GALNT16: variants seen among roughly 807,000 people sequenced by gnomAD.
GALNT16 encodes the protein UDP-GalNAc:polypeptide N-acetylgalactosaminyltransferase-like protein 1.
In GALNT16, 40 loss-of-function variants were observed where a neutral mutation model predicts 76.1. That is an observed-to-expected ratio of 0.53 (90% CI 0.41 to 0.68). The LOEUF is 0.68. Among genes scored for constraint, GALNT16 ranks in the 30% least tolerant of loss-of-function variants. The pLI, the probability that GALNT16 is intolerant of heterozygous loss-of-function variation, is 0.00. For synonymous variants in GALNT16, 276 were observed against 285.2 expected, an observed-to-expected ratio of 0.97 and a Z score of 0.32; for missense variants, 621 against 731.9, an observed-to-expected ratio of 0.85 and a Z score of 1.75.
chr14:69,371,431 T>C, the GALNT16 span, among the ~76,000 whole-genome samples: 1 of 151,284 alleles, frequency 6.6e-6, no homozygotes. Context: ...TTTTTGTATT[T>C]TTTTTTAGTA....
chr14:69,293,541 TAAC>T (rs972575657), intron 1 of GALNT16, among the ~76,000 whole-genome samples: 1 of 152,198 alleles, frequency 6.6e-6, no homozygotes, highest in African/African-American at 2.4e-5. Context: ...TTAATTCTCA[TAAC>T]AACCTGAAAT....
At chr14:69,361,807 G>C (rs2045725974), downstream of GALNT16, among the ~76,000 whole-genome samples, 1 of 152,136 alleles carries the variant, frequency 6.6e-6, no homozygotes. Context: ...AGGAGTTCAA[G>C]ACCAGCCTGG....
chr14:69,355,263 GAGCAA>G (rs1205366407), downstream of GALNT16: 3 of 152,308 alleles, frequency 2.0e-5, no homozygotes, highest in Non-Finnish European at 2.9e-5. Context: ...GAGGAGCCTG[GAGCAA>G]AGCCCTAGCT....
chr14:69,345,585 G>C (rs2045550735), intron 12 of GALNT16, among the ~76,000 whole-genome samples: 1 of 152,088 alleles, frequency 6.6e-6, no homozygotes, highest in Admixed American at 6.6e-5. Flanking sequence ...CTGCTCCCCT[G>C]TAACTCCCAG....
rs186868490 is a variant in GALNT16 at position 69,328,236 on chromosome 14, G to A, written c.569-214G>A. ...AGTGACTGGCACATAGAGGGCACTC[G>A]GGGTGTGACCCTGGAGTGATGGTGG... On this transcript the variant is annotated intron_variant, in intron 5 of 14. Coordinates refer to ENST00000448469, the MANE Select transcript of GALNT16 (RefSeq NM_001168368.2). Among the ~76,000 whole-genome samples the A allele has an allele frequency of 8.7e-4, 132 of 152,180 alleles. 1 individual carries two copies. The highest frequency in any genetic ancestry group is 2.8e-3 in the African/African-American group (118 of 41,536).
chr14:69,312,593 C>T (rs553380221), intron 1 of GALNT16, among the ~76,000 whole-genome samples: 4 of 152,272 alleles, frequency 2.6e-5, no homozygotes, highest in South Asian at 2.1e-4. Context: ...TTGAGGGTGT[C>T]GCTGGCTGAG....
At chr14:69,320,686 T>C (rs2045166574) in intron 1 of GALNT16, 25 bp from the exon 2 acceptor site, 1 of 1,606,528 alleles carries the variant, frequency 6.2e-7, no homozygotes, top group Non-Finnish European at 8.5e-7. Flanking sequence ...CCTGTGGTCC[T>C]CTCTGATGCT....
chr14:69,338,542 C>T, intron 9 of GALNT16, 109 bp from the exon 10 acceptor site: 1 of 1,493,962 alleles, frequency 6.7e-7, no homozygotes, highest in African/African-American at 1.4e-5. Context: ...GAGCCCCGAC[C>T]CCAACATGTA....
At chr14:69,326,177 C>T (rs2045282341) in intron 5 of GALNT16, 150 bp downstream of exon 5, 2 of 695,828 alleles carry the variant, frequency 2.9e-6, no homozygotes, top group African/African-American at 1.7e-5. Flanking sequence ...GAAGACTCTC[C>T]TCCTTCCCAG....
chr14:69,354,774 T>G (rs1161877253), downstream of GALNT16: 2 of 152,280 alleles, frequency 1.3e-5, no homozygotes, highest in East Asian at 3.9e-4. Context: ...GGGATTCTAC[T>G]TGGGGCTTAG....
At chr14:69,292,910 A>G (rs2044706438) in intron 1 of GALNT16, among the ~76,000 whole-genome samples, 1 of 152,230 alleles carries the variant, frequency 6.6e-6, no homozygotes, top group Admixed American at 6.5e-5. Context: ...CTTCCTCTAC[A>G]AAGTGCTACA....
chr14:69,280,254 T>C (rs1400087081), intron 1 of GALNT16, among the ~76,000 whole-genome samples: 1 of 152,212 alleles, frequency 6.6e-6, no homozygotes, highest in African/African-American at 2.4e-5. Flanking sequence ...TCTATGACTG[T>C]GACTACTCTA....
chr14:69,320,222 C>T (rs751152046), intron 1 of GALNT16, among the ~76,000 whole-genome samples: 2 of 152,308 alleles, frequency 1.3e-5, no homozygotes, highest in Non-Finnish European at 1.5e-5. Flanking sequence ...TGGCCGGGCG[C>T]GGTGGCGCAT....
At chr14:69,377,804 CAAAAAAAAAAAAAAAAAA>C in the GALNT16 span, among the ~76,000 whole-genome samples, 9 of 37,486 alleles carry the variant, frequency 2.4e-4, no homozygotes, top group South Asian at 1.5e-3. Context: ...GAGACTGTCT[CAAAAAAAAAAAAAAAAAA>C]AAAAAAAAAA....
chr14:69,385,371 C>T, the GALNT16 span, among the ~76,000 whole-genome samples: 2 of 152,144 alleles, frequency 1.3e-5, no homozygotes, highest in African/African-American at 4.8e-5. Flanking sequence ...AAACCTGTAA[C>T]ACCTGTTTCA....
the GALNT16 span, among the ~76,000 whole-genome samples, chr14:69,374,919 CATG>C: frequency 4.2e-3 from 636 of 152,254 alleles, 6 homozygotes; most frequent in African/African-American, 0.015. Flanking sequence ...CAAGACCACT[CATG>C]ATAACTAACT....
chr14:69,338,909 C>T, intron 10 of GALNT16, 132 bp downstream of exon 10: 1 of 678,118 alleles, frequency 1.5e-6, no homozygotes, highest in Non-Finnish European at 2.4e-6. Context: ...CCATTTGCCC[C>T]CTCTGGTAAC....
At chr14:69,267,437 G>A (rs1310873850) in intron 1 of GALNT16, among the ~76,000 whole-genome samples, 1 of 152,224 alleles carries the variant, frequency 6.6e-6, no homozygotes, top group Middle Eastern at 3.2e-3. Flanking sequence ...CACTTTTCCA[G>A]ACCCATTAGG....
At chr14:69,262,627 G>A (rs955353757) in intron 1 of GALNT16, among the ~76,000 whole-genome samples, 6 of 152,142 alleles carry the variant, frequency 3.9e-5, no homozygotes, top group African/African-American at 7.2e-5. Flanking sequence ...CCTGGGAGTG[G>A]CAGAGCCTTC....
Sources: gnomAD v4.1 joint callset for allele counts (sites outside exome capture counted in the v4.1 genomes callset) on GRCh38, gnomAD v4.1.1 for gene constraint, MANE v1.5 for transcripts, NCBI Gene and HGNC (gene_info 2026-07-23, HGNC 2026-07-21) for gene names.